The following ARHGEF4 variants were observed in gnomAD, a reference collection of about 807,000 sequenced individuals.
The protein encoded by ARHGEF4 is Rho guanine nucleotide exchange factor 4.
ARHGEF4 carries 119 observed loss-of-function variants against 162.0 expected under a neutral mutation model. The ratio of observed to expected loss-of-function variants is 0.73; its 90% confidence interval spans 0.63 to 0.86. The LOEUF is 0.86. Ranked by LOEUF, ARHGEF4 falls within the 40% of genes least tolerant of loss-of-function variation. The pLI is 0.00. For synonymous variants in ARHGEF4, 1,014 were observed against 979.9 expected, an observed-to-expected ratio of 1.03 and a Z score of -0.65; for missense variants, 2,488 against 2,456.0, an observed-to-expected ratio of 1.01 and a Z score of -0.28.
intron 1 of ARHGEF4, among the ~76,000 whole-genome samples, chr2:130,889,582 G>A (rs1236572756): frequency 1.3e-5 from 2 of 151,938 alleles, no homozygotes; most frequent in African/African-American, 4.8e-5. Flanking sequence ...GGAGGCCAAG[G>A]CAGGTGAATC....
At chr2:131,016,677 G>A (rs1296306903) in intron 4 of ARHGEF4, among the ~76,000 whole-genome samples, 1 of 152,276 alleles carries the variant, frequency 6.6e-6, no homozygotes, top group Non-Finnish European at 1.5e-5. Flanking sequence ...GTCATCCAGA[G>A]GGCTATGCAG....
intron 4 of ARHGEF4, among the ~76,000 whole-genome samples, chr2:130,995,155 A>C (rs561594300): frequency 1.3e-5 from 2 of 152,314 alleles, no homozygotes; most frequent in Non-Finnish European, 2.9e-5. Flanking sequence ...TTGGGACTGT[A>C]ATTACATGGA....
intron 2 of ARHGEF4, among the ~76,000 whole-genome samples, chr2:130,921,581 A>G (rs1574233791): frequency 6.6e-6 from 1 of 152,134 alleles, no homozygotes; most frequent in African/African-American, 2.4e-5. Flanking sequence ...TCTCATTCAC[A>G]TTTGGTTGAT....
chr2:131,039,389 A>G (rs1301875559), intron 6 of ARHGEF4: 3 of 1,069,334 alleles, frequency 2.8e-6, no homozygotes, highest in African/African-American at 3.4e-5. Flanking sequence ...AGTGGGAACC[A>G]TGACTTACAC....
intron 4 of ARHGEF4, among the ~76,000 whole-genome samples, chr2:130,964,480 C>A (rs1444222554): frequency 6.6e-6 from 1 of 152,246 alleles, no homozygotes; most frequent in African/African-American, 2.4e-5. Context: ...CGGTGGGCCA[C>A]CTGTTACAGC....
intron 1 of ARHGEF4, among the ~76,000 whole-genome samples, chr2:130,884,027 CATT>C (rs1438309023): frequency 6.6e-6 from 1 of 152,064 alleles, no homozygotes; most frequent in Admixed American, 6.5e-5. Context: ...TCATCGTCAA[CATT>C]ATATATCCTC....
chr2:131,035,584 G>A (rs1185910055), intron 5 of ARHGEF4: 1 of 832,082 alleles, frequency 1.2e-6, no homozygotes, highest in African/African-American at 1.8e-5. Context: ...TCTGGAAACG[G>A]AGTGCATGTG....
chr2:131,040,256 C>G lies in ARHGEF4; in HGVS notation c.4483-5C>G, dbSNP rs780967721. On this transcript the variant is annotated splice_region_variant and splice_polypyrimidine_tract_variant and intron_variant, in intron 7 of 13. Transcript: ENST00000409359. ...CGGGGGAGGCCTAACCACGTCCGCCCGCAGGGCTACGTCCGGCAGTGCCGC... is the reference window on the plus strand; with the variant it reads ...CGGGGGAGGCCTAACCACGTCCGCCGGCAGGGCTACGTCCGGCAGTGCCGC... The G allele has an allele frequency of 2.5e-6, 4 of 1,611,850 alleles. No individual in the cohort carries two copies. The highest frequency in any genetic ancestry group is 1.7e-5 in the Admixed American group (1 of 59,892).
intron 1 of ARHGEF4, chr2:130,837,542 C>T (rs1680279961): frequency 2.3e-6 from 1 of 429,712 alleles, no homozygotes; most frequent in Non-Finnish European, 4.6e-6. Flanking sequence ...CTCGGGGTGC[C>T]CCCTCTCTGG....
intron 1 of ARHGEF4, among the ~76,000 whole-genome samples, chr2:130,845,589 A>G (rs1414491919): frequency 1.3e-5 from 2 of 151,902 alleles, no homozygotes; most frequent in African/African-American, 4.8e-5. Flanking sequence ...GAGCCACTGC[A>G]CCCAGCCTAG....
At chr2:130,881,563 C>A (rs555204182) in intron 1 of ARHGEF4, among the ~76,000 whole-genome samples, 1 of 151,094 alleles carries the variant, frequency 6.6e-6, no homozygotes, top group Non-Finnish European at 1.5e-5. Flanking sequence ...AGACCTTGGG[C>A]TTCTGCCCTT....
At chr2:130,899,919 A>G (rs1031830513) in intron 1 of ARHGEF4, among the ~76,000 whole-genome samples, 1 of 151,976 alleles carries the variant, frequency 6.6e-6, no homozygotes, top group Non-Finnish European at 1.5e-5. Flanking sequence ...AGCTTTTCAT[A>G]TGCTGCATTT....
intron 1 of ARHGEF4, among the ~76,000 whole-genome samples, chr2:130,839,380 G>A (rs1433064751): frequency 6.6e-6 from 1 of 152,216 alleles, no homozygotes; most frequent in African/African-American, 2.4e-5. Flanking sequence ...GGGAACCTCA[G>A]ATTGTCTGGG....
At chr2:130,982,997 G>A (rs1460919467) in intron 4 of ARHGEF4, among the ~76,000 whole-genome samples, 1 of 152,100 alleles carries the variant, frequency 6.6e-6, no homozygotes, top group Admixed American at 6.6e-5. Flanking sequence ...ATTTTATATA[G>A]TTAAGAACAG....
At chr2:130,871,259 G>A (rs1159099299) in intron 1 of ARHGEF4, among the ~76,000 whole-genome samples, 1 of 152,152 alleles carries the variant, frequency 6.6e-6, no homozygotes. Flanking sequence ...AAAGAGGCTG[G>A]GCGCAGTGGC....
chr2:131,033,569 T>C (rs987104478), intron 5 of ARHGEF4, among the ~76,000 whole-genome samples: 7 of 152,120 alleles, frequency 4.6e-5, no homozygotes, highest in African/African-American at 1.7e-4. Flanking sequence ...CAATGAAGCA[T>C]CCACACGTCA....
rs773515572 is a variant in ARHGEF4 at position 130,962,312 on chromosome 2, T to G, written c.3985+15677T>G. On this transcript the variant is annotated intron_variant, in intron 4 of 13. Coordinates refer to ENST00000409359, the MANE Select transcript of ARHGEF4 (RefSeq NM_001367493.1). ...ACAGAGTGACCAGGAAAGGCACTCTTTCCTGGAGGAACTGAGGAGGGGGCT... is the reference window on the plus strand; with the variant it reads ...ACAGAGTGACCAGGAAAGGCACTCTGTCCTGGAGGAACTGAGGAGGGGGCT... Among the ~76,000 whole-genome samples the G allele has an allele frequency of 6.8e-4, 103 of 151,764 alleles. 1 individual carries two copies. Among genetic ancestry groups the G allele is most frequent in the Admixed American group, 4.6e-4 (7 of 15,258 alleles).
chr2:130,877,192 G>C (rs1678909256), intron 1 of ARHGEF4, among the ~76,000 whole-genome samples: 1 of 152,198 alleles, frequency 6.6e-6, no homozygotes, highest in African/African-American at 2.4e-5. Flanking sequence ...AATAGGCCCA[G>C]CTCAAATGAG....
At chr2:130,890,447 A>G (rs1485463442) in intron 1 of ARHGEF4, among the ~76,000 whole-genome samples, 1 of 152,104 alleles carries the variant, frequency 6.6e-6, no homozygotes, top group African/African-American at 2.4e-5. Flanking sequence ...CTGTAGTCCC[A>G]GGTACTTGGG....
Sources: allele counts gnomAD v4.1 joint callset (sites outside exome capture counted in the v4.1 genomes callset), GRCh38; gene constraint gnomAD v4.1.1; transcripts MANE v1.5; gene names NCBI Gene and HGNC (gene_info 2026-07-23, HGNC 2026-07-21).